PTGR3: variants seen among roughly 807,000 people sequenced by gnomAD.
PTGR3 encodes prostaglandin reductase 3, also known as zinc binding alcohol dehydrogenase domain containing 2.
chr18:75,205,150 T>A, the PTGR3 span: 1 of 985,424 alleles, frequency 1.0e-6, no homozygotes, highest in Non-Finnish European at 1.2e-6. Context: ...CCCCCGCGGC[T>A]GGTGAGGACC....
At chr18:75,202,201 C>T in the PTGR3 span, 2 of 1,614,184 alleles carry the variant, frequency 1.2e-6, no homozygotes, top group South Asian at 1.1e-5. Flanking sequence ...GCTTGGCCAA[C>T]TGTGTATCTG....
the PTGR3 span, chr18:75,201,851 A>T: frequency 6.2e-7 from 1 of 1,614,228 alleles, no homozygotes; most frequent in South Asian, 1.1e-5. Context: ...ACTCCTGCTT[A>T]AGGACGGTAC....
chr18:75,201,656 G>C, the PTGR3 span: 1 of 1,614,216 alleles, frequency 6.2e-7, no homozygotes, highest in Non-Finnish European at 8.5e-7. Flanking sequence ...CCTGTACGCT[G>C]GCAGATTTCT....
At chr18:75,205,715 TAAGAAAAAA>T in the PTGR3 span, among the ~76,000 whole-genome samples, 1 of 114,962 alleles carries the variant, frequency 8.7e-6, no homozygotes, top group African/African-American at 3.3e-5. Flanking sequence ...AGACCTGCCT[TAAGAAAAAA>T]AAGAAAAAAG....
the PTGR3 span, among the ~76,000 whole-genome samples, chr18:75,207,781 G>A: frequency 6.6e-6 from 1 of 152,216 alleles, no homozygotes; most frequent in African/African-American, 2.4e-5. Context: ...ACTTAGGAAG[G>A]TACATTTTGT....
the PTGR3 span, chr18:75,201,600 C>T: frequency 8.8e-4 from 1,422 of 1,614,166 alleles, 16 homozygotes; most frequent in African/African-American, 0.017. Context: ...GAGCAAGTGG[C>T]TCATGGCTGC....
chr18:75,208,246 A>T, the PTGR3 span: 1 of 889,182 alleles, frequency 1.1e-6, no homozygotes, highest in Non-Finnish European at 1.3e-6. Flanking sequence ...GGCGGTCGTT[A>T]ACACTCAGGG....
the PTGR3 span, chr18:75,195,989 GT>G: frequency 1.3e-5 from 2 of 152,192 alleles, no homozygotes; most frequent in African/African-American, 4.8e-5. Context: ...CCAGCTGTAA[GT>G]TTCTGCTGGC....
the PTGR3 span, chr18:75,208,554 CGGGAGG>C: frequency 1.4e-6 from 1 of 722,204 alleles, no homozygotes; most frequent in Non-Finnish European, 1.8e-6. Context: ...ATTTCGGGAG[CGGGAGG>C]GGGAGGAGGG....
the PTGR3 span, chr18:75,202,199 A>G: frequency 6.2e-7 from 1 of 1,614,168 alleles, no homozygotes; most frequent in Non-Finnish European, 8.5e-7. Context: ...CAGCTTGGCC[A>G]ACTGTGTATC....
chr18:75,201,456 A>G, the PTGR3 span: 5 of 1,612,886 alleles, frequency 3.1e-6, no homozygotes, highest in Non-Finnish European at 4.2e-6. Flanking sequence ...TTCAACTACA[A>G]TTTTTCCAGT....
chr18:75,196,632 C>CAAAAAAAAAA, the PTGR3 span: 7 of 72,196 alleles, frequency 9.7e-5, no homozygotes, highest in African/African-American at 4.2e-4. Flanking sequence ...GGTCTTGTCC[C>CAAAAAAAAAA]AAAAAAAAAA....
the PTGR3 span, chr18:75,202,080 C>G: frequency 3.1e-6 from 5 of 1,614,082 alleles, no homozygotes; most frequent in East Asian, 6.7e-5. Flanking sequence ...TGCGGTGGTG[C>G]CACTTACCAG....
At chr18:75,202,619 A>G in the PTGR3 span, among the ~76,000 whole-genome samples, 1 of 150,734 alleles carries the variant, frequency 6.6e-6, no homozygotes, top group Non-Finnish European at 1.5e-5. Context: ...TTTGTTTCAC[A>G]TTTTCACATG....
At chr18:75,205,546 C>G in the PTGR3 span, 1 of 949,540 alleles carries the variant, frequency 1.1e-6, no homozygotes, top group Non-Finnish European at 1.3e-6. Flanking sequence ...CTTATATGTA[C>G]TTAAAAAGTG....
chr18:75,197,180 G>GA, the PTGR3 span: 21 of 151,706 alleles, frequency 1.4e-4, no homozygotes, highest in Admixed American at 1.2e-3. Context: ...AGTTTAAAAT[G>GA]AAAAAAATAG....
At chr18:75,195,255 A>G in the PTGR3 span, 2 of 152,238 alleles carry the variant, frequency 1.3e-5, no homozygotes, top group African/African-American at 4.8e-5. Flanking sequence ...TTTAGACGAC[A>G]CAGAATCAAA....
At chr18:75,200,753 C>T in the PTGR3 span, 2 of 152,216 alleles carry the variant, frequency 1.3e-5, no homozygotes, top group African/African-American at 2.4e-5. Flanking sequence ...GGAAAGAGAA[C>T]ATTTCCATTT....
the PTGR3 span, chr18:75,197,493 CACACCAACTGTATTGATGATAA>C: frequency 6.6e-6 from 1 of 152,112 alleles, no homozygotes; most frequent in East Asian, 1.9e-4. Flanking sequence ...TTAAAGTGAC[CACACCAACTGTATTGATGATAA>C]ACCAAAGTGA....
Sources: allele counts gnomAD v4.1 joint callset (sites outside exome capture counted in the v4.1 genomes callset), GRCh38; gene constraint gnomAD v4.1.1; transcripts MANE v1.5; gene names NCBI Gene and HGNC (gene_info 2026-07-23, HGNC 2026-07-21).